Variants in ZSWIM6 observed in about 807,000 individuals in gnomAD.
ZSWIM6 encodes zinc finger SWIM domain-containing protein 6.
In ZSWIM6, 9 loss-of-function variants were observed where a neutral mutation model predicts 113.2. That is an observed-to-expected ratio of 0.08 (90% CI 0.05 to 0.14). The LOEUF is 0.14. Ranked by LOEUF, ZSWIM6 falls within the 10% of genes least tolerant of loss-of-function variation. ZSWIM6 has a pLI of 1.00. For missense variants in ZSWIM6, 1,162 were observed against 1,552.2 expected, an observed-to-expected ratio of 0.75 and a Z score of 4.22; for synonymous variants, 611 against 606.5, an observed-to-expected ratio of 1.01 and a Z score of -0.11.
chr5:61,464,323 C>T (rs562203237), intron 1 of ZSWIM6, among the ~76,000 whole-genome samples: 48 of 151,632 alleles, frequency 3.2e-4, no homozygotes, highest in African/African-American at 1.1e-3. Context: ...GCCTTGCCTC[C>T]CTCATCTTTT....
At chr5:61,335,135 A>C (rs1744366443) in intron 1 of ZSWIM6, among the ~76,000 whole-genome samples, 1 of 152,270 alleles carries the variant, frequency 6.6e-6, no homozygotes, top group Non-Finnish European at 1.5e-5. Flanking sequence ...TTGTAAAAGA[A>C]AATAGTAACT....
intron 2 of ZSWIM6, among the ~76,000 whole-genome samples, chr5:61,486,174 A>G (rs189978755): frequency 1.1e-3 from 171 of 152,226 alleles, no homozygotes; most frequent in Non-Finnish European, 2.1e-3. Context: ...CCTTCTGTAC[A>G]TAAGCTGCCA....
At chr5:61,350,124 G>T (rs1744749542) in intron 1 of ZSWIM6, among the ~76,000 whole-genome samples, 1 of 152,156 alleles carries the variant, frequency 6.6e-6, no homozygotes, top group African/African-American at 2.4e-5. Context: ...TCAGTGCTTG[G>T]CCCCTGAGAG....
rs1429688532 is a variant in ZSWIM6 at position 61,332,698 on chromosome 5, T to TGGCGGC, written c.434_439dup (p.Gly145_Gly146dup). The TGGCGGC allele has an allele frequency of 1.0e-6, 1 of 967,256 alleles. No individual in the cohort carries two copies. Among genetic ancestry groups the TGGCGGC allele is most frequent in the African/African-American group, 2.0e-5 (1 of 49,806 alleles). 59.9% of individuals were successfully genotyped at this position (967,256 alleles called of 1,614,324 possible). On this transcript the variant is annotated inframe_insertion, in exon 1 of 14. Coordinates refer to ENST00000252744, the MANE Select transcript of ZSWIM6 (RefSeq NM_020928.2). ...CGGGCGGCCCCGGCGACGACAGCGGTGGCGGCGGCGGCGCGGGCGGCGGCG... is the reference window on the plus strand; with the variant it reads ...CGGGCGGCCCCGGCGACGACAGCGGTGGCGGCGGCGGCGGCGGCGCGGGCGGCGGCG...
chr5:61,475,765 T>G (rs1171488165), intron 2 of ZSWIM6, among the ~76,000 whole-genome samples: 1 of 152,210 alleles, frequency 6.6e-6, no homozygotes, highest in Non-Finnish European at 1.5e-5. Context: ...AGGGTCTTAT[T>G]TTAATTGTTA....
chr5:61,449,216 G>T (rs1747033144), intron 1 of ZSWIM6, among the ~76,000 whole-genome samples: 1 of 152,164 alleles, frequency 6.6e-6, no homozygotes, highest in Admixed American at 6.5e-5. Context: ...CTATTTCTCT[G>T]AAGCTGGGAA....
chr5:61,372,687 C>T (rs1472532935), intron 1 of ZSWIM6, among the ~76,000 whole-genome samples: 2 of 152,172 alleles, frequency 1.3e-5, no homozygotes, highest in African/African-American at 4.8e-5. Flanking sequence ...TCCTGTAGTC[C>T]ACCTATTCAT....
intron 1 of ZSWIM6, among the ~76,000 whole-genome samples, chr5:61,335,223 C>T (rs1358435235): frequency 6.6e-6 from 1 of 152,156 alleles, no homozygotes; most frequent in African/African-American, 2.4e-5. Context: ...TGATGTTTCT[C>T]GTGTAGACTG....
In ZSWIM6 at chr5:61,332,344, C is replaced by CGGG. The variant is rs1029841073; in HGVS notation, c.75_77dup (p.Gly26dup). On this transcript the variant is annotated inframe_insertion, in exon 1 of 14. Coordinates refer to ENST00000252744, the MANE Select transcript of ZSWIM6 (RefSeq NM_020928.2). ...GCCGGCCGGGCGGCGGCGGCGGCGGCGGGGGCAGCAGCGGCGGCGGCGGCG... is the reference window on the plus strand; with the variant it reads ...GCCGGCCGGGCGGCGGCGGCGGCGGCGGGGGGGGCAGCAGCGGCGGCGGCGGCG... 2 of 1,045,304 alleles carry CGGG rather than the reference C, an allele frequency of 1.9e-6. No homozygotes were observed. Among genetic ancestry groups the CGGG allele is most frequent in the Non-Finnish European group, 2.3e-6 (2 of 854,956 alleles). The allele number at this position is 1,045,304 out of a possible 1,614,324, so 64.8% of individuals were successfully genotyped here.
At chr5:61,476,888 G>A (rs1747719792) in intron 2 of ZSWIM6, among the ~76,000 whole-genome samples, 1 of 152,142 alleles carries the variant, frequency 6.6e-6, no homozygotes, top group African/African-American at 2.4e-5. Context: ...GTGTGACCTT[G>A]AATGGGACCC....
At chr5:61,517,960 C>T (rs1316925432) in intron 4 of ZSWIM6, among the ~76,000 whole-genome samples, 2 of 110,508 alleles carry the variant, frequency 1.8e-5, no homozygotes, top group Non-Finnish European at 3.5e-5. Flanking sequence ...CACAACAGTC[C>T]CCAGAGTGTG....
intron 1 of ZSWIM6, among the ~76,000 whole-genome samples, chr5:61,339,794 A>C (rs1389185795): frequency 1.3e-5 from 2 of 152,246 alleles, no homozygotes; most frequent in East Asian, 3.8e-4. Context: ...TTTTTAAAAT[A>C]GTGCTTTGTC....
chr5:61,363,156 GGCAC>G (rs1745068010), intron 1 of ZSWIM6, among the ~76,000 whole-genome samples: 1 of 152,190 alleles, frequency 6.6e-6, no homozygotes, highest in African/African-American at 2.4e-5. Context: ...CCCCACAGGG[GGCAC>G]TGCCTGCAAG....
At chr5:61,526,678 T>C (rs1749293910) in intron 7 of ZSWIM6, among the ~76,000 whole-genome samples, 1 of 152,210 alleles carries the variant, frequency 6.6e-6, no homozygotes, top group Non-Finnish European at 1.5e-5. Flanking sequence ...ATGTCTAAAT[T>C]ATTTAAAATG....
At chr5:61,370,926 T>A (rs866558950) in intron 1 of ZSWIM6, among the ~76,000 whole-genome samples, 26 of 152,332 alleles carry the variant, frequency 1.7e-4, no homozygotes, top group Admixed American at 3.3e-4. Context: ...CCCATATGTT[T>A]GCGTATTCAT....
At chr5:61,395,775 G>T (rs1318084122) in intron 1 of ZSWIM6, among the ~76,000 whole-genome samples, 1 of 152,120 alleles carries the variant, frequency 6.6e-6, no homozygotes, top group Non-Finnish European at 1.5e-5. Context: ...AACTACATTA[G>T]TTATCTGATA....
chr5:61,493,992 A>G (rs909001869), intron 3 of ZSWIM6, among the ~76,000 whole-genome samples: 2 of 152,170 alleles, frequency 1.3e-5, no homozygotes, highest in African/African-American at 4.8e-5. Context: ...TCTAACATAT[A>G]ATTCAAAATA....
At chr5:61,508,265 C>T (rs1307753691) in intron 4 of ZSWIM6, among the ~76,000 whole-genome samples, 1 of 152,078 alleles carries the variant, frequency 6.6e-6, no homozygotes, top group Non-Finnish European at 1.5e-5. Context: ...TCTTTGCACC[C>T]TAAAGACATT....
intron 1 of ZSWIM6, among the ~76,000 whole-genome samples, chr5:61,441,968 A>C (rs1239030079): frequency 6.6e-6 from 1 of 152,222 alleles, no homozygotes; most frequent in Non-Finnish European, 1.5e-5. Context: ...ATCAGTCTCA[A>C]GTCCACCTTT....
Sources: allele counts gnomAD v4.1 joint callset (sites outside exome capture counted in the v4.1 genomes callset), GRCh38; gene constraint gnomAD v4.1.1; transcripts MANE v1.5; gene names NCBI Gene and HGNC (gene_info 2026-07-23, HGNC 2026-07-21).